Variants in SMCO3 observed in about 807,000 individuals in gnomAD.
SMCO3 encodes the protein single-pass membrane and coiled-coil domain-containing protein 3.
A neutral mutation model predicts 12.0 loss-of-function variants in SMCO3; 6 were observed. That is an observed-to-expected ratio of 0.50 (90% CI 0.27 to 0.99). SMCO3 has a LOEUF of 0.99. Ranked by LOEUF, SMCO3 falls within the 50% of genes least tolerant of loss-of-function variation. SMCO3 has a pLI of 0.11. For missense variants in SMCO3, 279 were observed against 265.0 expected (o/e 1.05, Z -0.37); for synonymous variants, 96 against 96.4 (o/e 1.00, Z 0.02).
rs775970639 is a variant in SMCO3, at chr12:14,805,896, T to C, written c.*107A>G. 2 of 1,141,186 alleles carry C rather than the reference T, an allele frequency of 1.8e-6. No homozygotes were observed. Among genetic ancestry groups the C allele is most frequent in the Non-Finnish European group, 2.5e-6 (2 of 800,986 alleles). The allele number at this position is 1,141,186 out of a possible 1,614,324, so 70.7% of individuals were successfully genotyped here. A position where few individuals can be genotyped will look rare whatever the true frequency, so the allele number is the denominator to read the frequency against. On this transcript the variant is annotated 3_prime_UTR_variant, in exon 2 of 2. Coordinates refer to ENST00000316048, the MANE Select transcript of SMCO3 (RefSeq NM_001013698.2). ...TTCCCTCTCCAAATTGTTTATCTTATTTAAGTCCATATTGGAAGCCTATAG... is the reference window on the plus strand; with the variant it reads ...TTCCCTCTCCAAATTGTTTATCTTACTTAAGTCCATATTGGAAGCCTATAG...
Position 14,807,715 on chromosome 12 carries a change from C to T in SMCO3, c.-16-1019G>A, listed in dbSNP as rs77083560. Among the ~76,000 whole-genome samples the T allele has an allele frequency of 2.1e-3, 324 of 152,202 alleles. 6 individuals are homozygous for T. The East Asian group carries it at 0.049, about 23-fold the overall frequency. On this transcript the variant is annotated intron_variant, in intron 1 of 1. Coordinates refer to ENST00000316048, the MANE Select transcript of SMCO3 (RefSeq NM_001013698.2). Reference sequence around the variant, plus strand: ...ATGTGGGGAGAAGGTAGGCACTATACAGGGCACAGTGTTAATCAGATAATC... The same window carrying T: ...ATGTGGGGAGAAGGTAGGCACTATATAGGGCACAGTGTTAATCAGATAATC...
At chr12:14,806,975 G>T (rs1056356461) in intron 1 of SMCO3, among the ~76,000 whole-genome samples, 6 of 152,140 alleles carry the variant, frequency 3.9e-5, no homozygotes, top group African/African-American at 1.4e-4. Flanking sequence ...GGGATTACAG[G>T]CATACACTGC....
At chr12:14,811,044 G>A (rs924250184) in intron 1 of SMCO3, among the ~76,000 whole-genome samples, 1 of 152,142 alleles carries the variant, frequency 6.6e-6, no homozygotes, top group Admixed American at 6.5e-5. Context: ...TTCAAAGATT[G>A]TAGCACCAAC....
Position 14,806,250 on chromosome 12 carries a change from A to T in SMCO3, c.431T>A (p.Ile144Lys), listed in dbSNP as rs150740460. The change falls in exon 2 of 2, where the codon ATA becomes AAA. Residue 144 changes from isoleucine to lysine, a missense_variant. Coordinates refer to ENST00000316048, the MANE Select transcript of SMCO3 (RefSeq NM_001013698.2). ...TAACACAGTGACCAACTTGTTAATTATGCCAGTTGTGACATTTGAGCCCAC... is the reference window on the plus strand; with the variant it reads ...TAACACAGTGACCAACTTGTTAATTTTGCCAGTTGTGACATTTGAGCCCAC... ...KLVGSNVTTG[I>K]INKLVTVLAQ... is the part of the protein sequence containing the mutation. 1.2e-6 allele frequency: 2 copies of T among 1,614,194 alleles called. No homozygotes were observed. The highest frequency in any genetic ancestry group is 1.7e-6 in the Non-Finnish European group (2 of 1,180,024).
At chr12:14,807,600 C>A (rs1950073102) in intron 1 of SMCO3, among the ~76,000 whole-genome samples, 1 of 152,090 alleles carries the variant, frequency 6.6e-6, no homozygotes. Context: ...AAAGGATATC[C>A]AAAGGCAACA....
At chr12:14,811,075 C>T (rs774795649) in intron 1 of SMCO3, among the ~76,000 whole-genome samples, 8 of 152,136 alleles carry the variant, frequency 5.3e-5, no homozygotes, top group Non-Finnish European at 1.0e-4. Flanking sequence ...ATATTTAATC[C>T]AGCTCTAATT....
Position 14,806,230 on chromosome 12 carries a change from C to T in SMCO3, c.451G>A (p.Val151Met). Residue 151 changes from valine (V) to methionine (M), a missense_variant, in exon 2 of 2, where the codon GTG (valine) becomes ATG (methionine). Transcript: ENST00000316048. ...AGAGAAGCACCAATTTGAGCTAACACAGTGACCAACTTGTTAATTATGCCA... is the reference window on the plus strand; with the variant it reads ...AGAGAAGCACCAATTTGAGCTAACATAGTGACCAACTTGTTAATTATGCCA... Reference protein sequence around the residue: ...TTGIINKLVTVLAQIGASLLG... With the variant: ...TTGIINKLVTMLAQIGASLLG... The T allele has an allele frequency of 6.2e-7, 1 of 1,614,200 alleles. No homozygotes were observed. The highest frequency in any genetic ancestry group is 8.5e-7 in the Non-Finnish European group (1 of 1,180,032).
In SMCO3 at chr12:14,806,419, T is replaced by C. The variant is rs754930763; in HGVS notation, c.262A>G (p.Lys88Glu). Residue 88 changes from lysine (K) to glutamate (E), a missense_variant, in exon 2 of 2, where the codon AAA becomes GAA. Lys to Glu is a moderately conservative substitution (Grantham distance 56, BLOSUM62 1). Coordinates refer to ENST00000316048, the MANE Select transcript of SMCO3 (RefSeq NM_001013698.2). ...TAGAGGGTTGGCTCTAGCTTATCTT[T>C]TAGTGCTTCATCAACCTTCTGCAAT... The part of the protein sequence containing the change: ...KELQKVDEAL[K>E]DKLEPTLYRK... The C allele has an allele frequency of 9.3e-6, 15 of 1,614,236 alleles. 2 individuals are homozygous for C. In the South Asian group the frequency reaches 1.1e-4, roughly 12 times the overall value.
chr12:14,807,433 T>C (rs567651398), intron 1 of SMCO3, among the ~76,000 whole-genome samples: 38 of 152,346 alleles, frequency 2.5e-4, no homozygotes, highest in Admixed American at 7.8e-4. Context: ...CTGATTTCTC[T>C]AGCATTTGGA....
intron 1 of SMCO3, among the ~76,000 whole-genome samples, chr12:14,811,101 A>G (rs368595737): frequency 6.6e-6 from 1 of 152,248 alleles, no homozygotes; most frequent in Non-Finnish European, 1.5e-5. Context: ...CACCTATTGT[A>G]TGGTAAGTTT....
chr12:14,812,922 G>C (rs144691728), intron 1 of SMCO3, among the ~76,000 whole-genome samples: 1 of 152,170 alleles, frequency 6.6e-6, no homozygotes, highest in East Asian at 1.9e-4. Flanking sequence ...TGTTGATTTG[G>C]GAAGAGTAAG....
intron 1 of SMCO3, among the ~76,000 whole-genome samples, chr12:14,812,211 G>A (rs543068960): frequency 1.3e-5 from 2 of 152,200 alleles, no homozygotes; most frequent in African/African-American, 2.4e-5. Flanking sequence ...TTGGGAGGCC[G>A]AGGCGGGCGG....
chr12:14,807,216 TG>T (rs1247952334), intron 1 of SMCO3, among the ~76,000 whole-genome samples: 2 of 152,240 alleles, frequency 1.3e-5, no homozygotes, highest in African/African-American at 4.8e-5. Flanking sequence ...AACCCTTTGA[TG>T]GATAAATTAA....
intron 1 of SMCO3, among the ~76,000 whole-genome samples, chr12:14,809,016 C>G (rs922075897): frequency 6.6e-6 from 1 of 152,078 alleles, no homozygotes; most frequent in Non-Finnish European, 1.5e-5. Flanking sequence ...TTTTGACTCC[C>G]GGTTTTCAGA....
At chr12:14,813,117 G>A (rs1393357786) in intron 1 of SMCO3, among the ~76,000 whole-genome samples, 5 of 152,086 alleles carry the variant, frequency 3.3e-5, no homozygotes, top group Non-Finnish European at 7.4e-5. Context: ...TGGGTACATG[G>A]GAGTTTATTA....
Position 14,806,018 on chromosome 12 carries a change from T to A in SMCO3, c.663A>T (p.Lys221Asn). 6.2e-7 allele frequency: 1 copy of A among 1,605,682 alleles called. No homozygotes were observed. Among genetic ancestry groups the A allele is most frequent in the Non-Finnish European group, 8.5e-7 (1 of 1,175,252 alleles). Residue 221 changes from lysine (K) to asparagine (N), a missense_variant, in exon 2 of 2, where the codon AAA becomes AAT. Lys to Asn is a moderately conservative substitution (Grantham distance 94, BLOSUM62 0). Coordinates refer to ENST00000316048, the MANE Select transcript of SMCO3 (RefSeq NM_001013698.2). ...AAACGGCTGTTCATTTCATTTGGTG[T>A]TTCACTGTATTGATGACCTCAGTAA... ...HAITEVINTV[K>N]HQMK
At chr12:14,812,398 T>C (rs12146742) in intron 1 of SMCO3, among the ~76,000 whole-genome samples, 88,957 of 151,742 alleles carry the variant, frequency 0.59, 26,484 homozygotes, top group Admixed American at 0.64. Flanking sequence ...GAGCCGAGAT[T>C]GTGCCACTGC....
chr12:14,813,140 T>G (rs998383040), intron 1 of SMCO3, among the ~76,000 whole-genome samples: 9 of 152,358 alleles, frequency 5.9e-5, no homozygotes, highest in African/African-American at 2.2e-4. Flanking sequence ...TTATTGTCTC[T>G]ACTTCTGTGT....
rs375827971 is a variant in SMCO3 at position 14,806,004 on chromosome 12, C to A, written c.677G>T (p.Ter226LeuextTer24). Residue 226 changes from the stop codon to leucine, a stop_lost, in exon 2 of 2, where the codon TGA becomes TTA. Coordinates refer to ENST00000316048, the MANE Select transcript of SMCO3 (RefSeq NM_001013698.2). Reference sequence around the variant, plus strand: ...TTCAGTGGCAAATAAAACGGCTGTTCATTTCATTTGGTGTTTCACTGTATT... The same window carrying A: ...TTCAGTGGCAAATAAAACGGCTGTTAATTTCATTTGGTGTTTCACTGTATT... ...VINTVKHQMK[*>L] The A allele has an allele frequency of 6.3e-7, 1 of 1,596,958 alleles. No individual in the cohort carries two copies. Among genetic ancestry groups the A allele is most frequent in the South Asian group, 1.1e-5 (1 of 88,800 alleles).
Sources: gnomAD v4.1 joint callset for allele counts (sites outside exome capture counted in the v4.1 genomes callset) on GRCh38, gnomAD v4.1.1 for gene constraint, MANE v1.5 for transcripts, NCBI Gene and HGNC (gene_info 2026-07-23, HGNC 2026-07-21) for gene names.